Variants in FUT8 observed in about 807,000 individuals in gnomAD.
FUT8 encodes alpha-(1,6)-fucosyltransferase.
A neutral mutation model predicts 71.3 loss-of-function variants in FUT8; 29 were observed. The ratio of observed to expected loss-of-function variants is 0.41; its 90% confidence interval spans 0.30 to 0.55. The LOEUF is 0.55. Among genes scored for constraint, FUT8 ranks in the 20% least tolerant of loss-of-function variants. The pLI is 0.34. For synonymous variants in FUT8, 254 were observed against 239.3 expected, an observed-to-expected ratio of 1.06 and a Z score of -0.57; for missense variants, 544 against 702.1, an observed-to-expected ratio of 0.77 and a Z score of 2.55.
intron 7 of FUT8, among the ~76,000 whole-genome samples, chr14:65,698,346 TAATA>T (rs1156298057): frequency 6.6e-6 from 1 of 152,114 alleles, no homozygotes; most frequent in Non-Finnish European, 1.5e-5. Flanking sequence ...TACAGTAAAA[TAATA>T]AAATTAACAA....
chr14:65,669,619 A>T lies in FUT8; in HGVS notation c.835+139A>T. ...GAATACTATACATTATCCAGATAAA[A>T]TCTAGAAGAACAGTATTTTATCTTA... On this transcript the variant is annotated intron_variant, in intron 7 of 10. Coordinates refer to ENST00000673929, the MANE Select transcript of FUT8 (RefSeq NM_001371533.1). This position sits in a 1 kb window ranked among gnomAD's most constrained non-coding sequence, Gnocchi z 4.5. 1 of 549,400 alleles carries T rather than the reference A, an allele frequency of 1.8e-6. No homozygotes were observed. Among genetic ancestry groups the T allele is most frequent in the South Asian group, 3.2e-5 (1 of 30,982 alleles). 34.0% of individuals were successfully genotyped at this position (549,400 alleles called of 1,614,324 possible). A position where few individuals can be genotyped will look rare whatever the true frequency, so the allele number is the denominator to read the frequency against.
intron 7 of FUT8, among the ~76,000 whole-genome samples, chr14:65,713,205 G>T (rs1248899184): frequency 6.6e-6 from 1 of 152,168 alleles, no homozygotes; most frequent in African/African-American, 2.4e-5. Context: ...GTGACCTCCA[G>T]TTCCATCCAT....
intron 7 of FUT8, among the ~76,000 whole-genome samples, chr14:65,710,726 C>T (rs1435535288): frequency 1.3e-5 from 2 of 152,012 alleles, no homozygotes; most frequent in East Asian, 1.9e-4. Context: ...ACAGTGTTCA[C>T]GTAGTAGTTG....
In FUT8 at chr14:65,506,928, AT is replaced by A. The variant is rs772687606; in HGVS notation, c.-228+51212del. On this transcript the variant is annotated intron_variant, in intron 2 of 10. Coordinates refer to ENST00000673929, the MANE Select transcript of FUT8 (RefSeq NM_001371533.1). The stretch of plus-strand genomic sequence containing the variant: ...GAATAAAGTACACTGACACACAGAT[AT>A]TCTGTTTTGCCAGTCCAGCTGAGGG... 7.2e-5 allele frequency among the ~76,000 whole-genome samples: 11 copies of A among 152,218 alleles called. 1 individual carries two copies. In the East Asian group the frequency reaches 1.9e-3, roughly 27 times the overall value.
At chr14:65,658,661 A>G (rs1273875378) in intron 6 of FUT8, among the ~76,000 whole-genome samples, 1 of 152,156 alleles carries the variant, frequency 6.6e-6, no homozygotes, top group African/African-American at 2.4e-5. Flanking sequence ...CAATCTCAAA[A>G]GATTAACTAC....
rs930624461 is a variant in FUT8, at chr14:65,635,294, C to T, written c.597+5688C>T. ...TGATCATATCGTCAGCAAACAGTGA[C>T]GGTTTGACTTCCTCTTTACCGATTT... On this transcript the variant is annotated intron_variant, in intron 6 of 10. Transcript: ENST00000673929. Among the ~76,000 whole-genome samples the T allele has an allele frequency of 1.1e-4, 17 of 152,090 alleles. 1 individual carries two copies. The highest frequency in any genetic ancestry group is 3.9e-4 in the East Asian group (2 of 5,192).
the FUT8 span, among the ~76,000 whole-genome samples, chr14:65,359,152 G>A: frequency 6.6e-6 from 1 of 152,018 alleles, no homozygotes; most frequent in African/African-American, 2.4e-5. Flanking sequence ...TACTTTTGGG[G>A]TTTGTCTTAC....
chr14:65,641,024 G>T (rs1048289185), intron 6 of FUT8, among the ~76,000 whole-genome samples: 7 of 152,026 alleles, frequency 4.6e-5, no homozygotes, highest in African/African-American at 1.7e-4. Context: ...TTGAGATATA[G>T]TTGACACAAA....
chr14:65,702,833 G>A lies in FUT8; in HGVS notation c.836-18942G>A, dbSNP rs576224272. ...GGCTCACTGCAACCTCCACCTCCCA[G>A]GTTCAAGTGATTCTCCTGCCTCAGC... On this transcript the variant is annotated intron_variant, in intron 7 of 10. Transcript: ENST00000673929. Among the ~76,000 whole-genome samples the A allele has an allele frequency of 2.6e-3, 391 of 152,104 alleles. 5 individuals are homozygous for A. Among genetic ancestry groups the A allele is most frequent in the African/African-American group, 8.9e-3 (369 of 41,510 alleles).
At position 65,473,724 on chromosome 14, in the gene FUT8, A is replaced by C. The variant is rs772438499; in HGVS notation, c.-228+18006A>C. Among the ~76,000 whole-genome samples, 108 of 152,266 alleles carry C rather than the reference A, an allele frequency of 7.1e-4. 3 individuals are homozygous for C. The highest frequency in any genetic ancestry group is 2.9e-4 in the Non-Finnish European group (20 of 68,004). ...GGCTTAATTTGGCATCTTTGTCAGG[A>C]TTATTAGACTTCTCTGCATTCTTCT... is the stretch of plus-strand genomic sequence containing the variant. On this transcript the variant is annotated intron_variant, in intron 2 of 10. Coordinates refer to ENST00000673929, the MANE Select transcript of FUT8 (RefSeq NM_001371533.1).
intron 2 of FUT8, among the ~76,000 whole-genome samples, chr14:65,533,720 G>T (rs1232950941): frequency 1.3e-5 from 2 of 152,084 alleles, no homozygotes; most frequent in African/African-American, 4.8e-5. Context: ...TCTTGTGCCA[G>T]TGTTCAGCTT....
In FUT8 at chr14:65,627,052, T is replaced by G. The variant is rs529969014; in HGVS notation, c.483-2440T>G. Among the ~76,000 whole-genome samples the G allele has an allele frequency of 6.6e-6, 1 of 152,330 alleles. No homozygotes were observed. Among genetic ancestry groups the G allele is most frequent in the South Asian group, 2.1e-4 (1 of 4,826 alleles). Reference sequence around the variant, plus strand: ...TTTTCTTTTGCTACTTTTTCATTCATCTAAAGATATTTATCGAATATTTTG... The same window carrying G: ...TTTTCTTTTGCTACTTTTTCATTCAGCTAAAGATATTTATCGAATATTTTG... On this transcript the variant is annotated intron_variant, in intron 5 of 10. Coordinates refer to ENST00000673929, the MANE Select transcript of FUT8 (RefSeq NM_001371533.1). This position sits in a 1 kb window ranked among gnomAD's most constrained non-coding sequence, Gnocchi z 4.0.
chr14:65,397,658 T>G, the FUT8 span, among the ~76,000 whole-genome samples: 3 of 152,242 alleles, frequency 2.0e-5, no homozygotes, highest in Non-Finnish European at 4.4e-5. This position sits in a 1 kb window ranked among gnomAD's most constrained non-coding sequence, Gnocchi z 4.2. Context: ...CAGCATACTG[T>G]TCAGGGCTGG....
chr14:65,470,707 C>T (rs1201816290), intron 2 of FUT8, among the ~76,000 whole-genome samples: 1 of 152,224 alleles, frequency 6.6e-6, no homozygotes, highest in East Asian at 1.9e-4. Context: ...TGCACAGAGC[C>T]TCCTCCTGAG....
intron 2 of FUT8, among the ~76,000 whole-genome samples, chr14:65,545,588 A>G (rs908918709): frequency 7.9e-5 from 12 of 151,850 alleles, no homozygotes; most frequent in African/African-American, 2.9e-4. Context: ...TTATTCTATT[A>G]TGTTGAATTA....
intron 3 of FUT8, among the ~76,000 whole-genome samples, chr14:65,581,781 T>G (rs1801957683): frequency 6.6e-6 from 1 of 152,190 alleles, no homozygotes; most frequent in African/African-American, 2.4e-5. Flanking sequence ...TCAACCATTT[T>G]TACCTTTTTT....
intron 6 of FUT8, among the ~76,000 whole-genome samples, chr14:65,635,305 C>T (rs910620523): frequency 6.6e-6 from 1 of 152,088 alleles, no homozygotes; most frequent in Admixed American, 6.5e-5. Context: ...GGTTTGACTT[C>T]CTCTTTACCG....
chr14:65,456,462 A>G (rs947136907), intron 2 of FUT8, among the ~76,000 whole-genome samples: 11 of 152,096 alleles, frequency 7.2e-5, no homozygotes, highest in African/African-American at 2.4e-4. Flanking sequence ...GTTCCATTTT[A>G]TGGATATACC....
At chr14:65,644,050 G>A (rs1161720522) in intron 6 of FUT8, among the ~76,000 whole-genome samples, 1 of 152,012 alleles carries the variant, frequency 6.6e-6, no homozygotes, top group African/African-American at 2.4e-5. Context: ...TGGAAGTTCT[G>A]ATTGTAACTA....
Sources: gnomAD v4.1 joint callset for allele counts (sites outside exome capture counted in the v4.1 genomes callset) on GRCh38, gnomAD v4.1.1 for gene constraint, Gnocchi (gnomAD v3.1) non-coding constraint, MANE v1.5 for transcripts, NCBI Gene and HGNC (gene_info 2026-07-23, HGNC 2026-07-21) for gene names.